NPBWR1: variants seen among roughly 807,000 people sequenced by gnomAD.
NPBWR1 encodes the protein neuropeptides B and W receptor 1.
A neutral mutation model predicts 2.8 loss-of-function variants in NPBWR1; 4 were observed. That is an observed-to-expected ratio of 1.44 (90% CI 0.71 to 3.29). NPBWR1 has a LOEUF of 3.29. Among genes scored for constraint, NPBWR1 ranks in the 30% most tolerant of loss-of-function variants. NPBWR1 has a pLI of 0.01. For missense variants in NPBWR1, 545 were observed against 462.5 expected, an observed-to-expected ratio of 1.18 and a Z score of -1.64; for synonymous variants, 250 against 224.5, an observed-to-expected ratio of 1.11 and a Z score of -1.02.
rs759074574 is a variant in NPBWR1 at position 52,939,833 on chromosome 8, G to C, written c.-75G>C. 127 of 1,421,208 alleles carry C rather than the reference G, an allele frequency of 8.9e-5. No individual in the cohort carries two copies. The highest frequency in any genetic ancestry group is 1.1e-4 in the Non-Finnish European group (124 of 1,085,106). 88.0% of individuals were successfully genotyped at this position (1,421,208 alleles called of 1,614,324 possible). A position where few individuals can be genotyped will look rare whatever the true frequency, so the allele number is the denominator to read the frequency against. On this transcript the variant is annotated 5_prime_UTR_variant, in exon 2 of 2. Transcript: ENST00000674939. ...TCCGCGAGCAGGTCCGTGCAGAACC[G>C]GGCTTCAGGACCGCTGAGCTCCGTA...
In NPBWR1 at chr8:52,940,069, C is replaced by T. The variant is rs751359569; in HGVS notation, c.162C>T (p.Gly54=). Residue 54 remains glycine (G), a synonymous_variant, in exon 2 of 2, where the codon GGC becomes GGT. Coordinates refer to ENST00000674939, the MANE Select transcript of NPBWR1 (RefSeq NM_005285.5). ...YAVICAVGLA[G]NSAVLYVLLR... ...TGATCTGCGCCGTGGGTCTGGCGGG[C>T]AACTCCGCCGTGCTGTACGTGTTGC... The T allele has an allele frequency of 1.2e-6, 2 of 1,610,136 alleles. No individual in the cohort carries two copies. Among genetic ancestry groups the T allele is most frequent in the Non-Finnish European group, 1.7e-6 (2 of 1,179,934 alleles).
rs912194435 is a variant in NPBWR1 at position 52,943,377 on chromosome 8, T to A, written c.*2483T>A. On this transcript the variant is annotated 3_prime_UTR_variant, in exon 2 of 2. Transcript: ENST00000674939. ...GATCACTGGATAAACTGTTGTATCA[T>A]TATTTCTAGGTCGTTGCCCTTCATA... Among the ~76,000 whole-genome samples the A allele has an allele frequency of 6.6e-6, 1 of 152,224 alleles. No homozygotes were observed. Among genetic ancestry groups the A allele is most frequent in the Non-Finnish European group, 1.5e-5 (1 of 68,042 alleles).
In NPBWR1 at chr8:52,940,666, G is replaced by T. The variant is rs1563548485; in HGVS notation, c.759G>T (p.Val253=). 6.2e-7 allele frequency: 1 copy of T among 1,612,130 alleles called. No homozygotes were observed. The highest frequency in any genetic ancestry group is 2.2e-5 in the East Asian group (1 of 44,848). ...CCAAGAAGCGGGTGACCTTCCTGGT[G>T]GTGGCAATCCTGGCGGTGTGCCTCC... The part of the protein sequence containing the change: ...ERAKKRVTFL[V]VAILAVCLLC... Residue 253 remains valine (V), a synonymous_variant, in exon 2 of 2, where the codon GTG becomes GTT. Transcript: ENST00000674939.
At position 52,940,436 on chromosome 8, in the gene NPBWR1, G is replaced by T. The variant is rs147171381; in HGVS notation, c.529G>T (p.Ala177Ser). 6.3e-7 allele frequency: 1 copy of T among 1,595,880 alleles called. No homozygotes were observed. The highest frequency in any genetic ancestry group is 8.5e-7 in the Non-Finnish European group (1 of 1,176,462). The change falls in exon 2 of 2, where the codon GCC (alanine) becomes TCC (serine). Residue 177 changes from alanine to serine, a missense_variant. Coordinates refer to ENST00000674939, the MANE Select transcript of NPBWR1 (RefSeq NM_005285.5). The stretch of plus-strand genomic sequence containing the variant: ...CGTCGTGCTGCCCTTCGCAGTCTTC[G>T]CCCGGCTAGACGACGAGCAGGGCCG... ...TLVVLPFAVFARLDDEQGRRQ... is the reference protein window; with the variant it reads ...TLVVLPFAVFSRLDDEQGRRQ...
Position 52,940,552 on chromosome 8 carries a change from C to A in NPBWR1, c.645C>A (p.Pro215=). 1 of 1,597,780 alleles carries A rather than the reference C, an allele frequency of 6.3e-7. No individual in the cohort carries two copies. Among genetic ancestry groups the A allele is most frequent in the Non-Finnish European group, 8.5e-7 (1 of 1,174,690 alleles). ...CGCTCGTGCTGGGCTTCGCCATCCC[C>A]GTGTCCACCATCTGTGTCCTCTATA... ...LYTLVLGFAI[P]VSTICVLYTT... The change falls in exon 2 of 2, where the codon CCC becomes CCA. Residue 215 remains proline, a synonymous_variant. Transcript: ENST00000674939.
Position 52,940,286 on chromosome 8 carries a change from C to G in NPBWR1, c.379C>G (p.Leu127Val). Residue 127 changes from leucine (L) to valine (V), a missense_variant, in exon 2 of 2, where the codon CTC (leucine) becomes GTC (valine). By Grantham distance (32) the Leu-to-Val change is conservative. Coordinates refer to ENST00000674939, the MANE Select transcript of NPBWR1 (RefSeq NM_005285.5). ...QYNTFSSLYF[L>V]TVMSADRYLV... ...CAACACCTTCTCCAGCCTCTACTTC[C>G]TCACCGTCATGAGCGCCGACCGCTA... is the stretch of plus-strand genomic sequence containing the variant. 1.2e-6 allele frequency: 2 copies of G among 1,613,358 alleles called. No homozygotes were observed. Among genetic ancestry groups the G allele is most frequent in the Non-Finnish European group, 1.7e-6 (2 of 1,179,984 alleles).
rs780197878 is a variant in NPBWR1 at position 52,940,103 on chromosome 8, C to T, written c.196C>T (p.Pro66Ser). 9.9e-6 allele frequency: 16 copies of T among 1,612,376 alleles called. No individual in the cohort carries two copies. In the Admixed American group the frequency reaches 2.7e-4, roughly 27 times the overall value. Reference protein sequence around the residue: ...SAVLYVLLRAPRMKTVTNLFI... With the variant: ...SAVLYVLLRASRMKTVTNLFI... ...CGTGCTGTACGTGTTGCTGCGGGCGCCCCGCATGAAGACCGTCACCAACCT... is the reference window on the plus strand; with the variant it reads ...CGTGCTGTACGTGTTGCTGCGGGCGTCCCGCATGAAGACCGTCACCAACCT... Residue 66 changes from proline (P) to serine (S), a missense_variant, in exon 2 of 2, where the codon CCC becomes TCC. Pro to Ser is a moderately conservative substitution (Grantham distance 74). Transcript: ENST00000674939.
Position 52,941,357 on chromosome 8 carries a change from A to T in NPBWR1, c.*463A>T, listed in dbSNP as rs2128778248. On this transcript the variant is annotated 3_prime_UTR_variant, in exon 2 of 2. Coordinates refer to ENST00000674939, the MANE Select transcript of NPBWR1 (RefSeq NM_005285.5). The stretch of plus-strand genomic sequence containing the variant: ...GCGCGGCCCCTGCTGTAGCTGGCGC[A>T]CAGCCCCGGCGGGTCCCCTTGTCCT... Among the ~76,000 whole-genome samples, 1 of 152,198 alleles carries T rather than the reference A, an allele frequency of 6.6e-6. No homozygotes were observed. The highest frequency in any genetic ancestry group is 2.4e-5 in the African/African-American group (1 of 41,554).
At position 52,940,399 on chromosome 8, in the gene NPBWR1, G is replaced by T. The variant is rs1323229411; in HGVS notation, c.492G>T (p.Gly164=). The change falls in exon 2 of 2, where the codon GGG becomes GGT. Residue 164 remains glycine (G), a synonymous_variant. Coordinates refer to ENST00000674939, the MANE Select transcript of NPBWR1 (RefSeq NM_005285.5). ...GCGCGGTGAGCCTGGCCGTGTGGGG[G>T]ATCGTCACACTCGTCGTGCTGCCCT... ...AARAVSLAVW[G]IVTLVVLPFA... is the part of the protein sequence containing the mutation. 1.9e-6 allele frequency: 3 copies of T among 1,602,262 alleles called. No individual in the cohort carries two copies. The Admixed American group carries it at 5.0e-5, about 27-fold the overall frequency.
In NPBWR1 at chr8:52,940,106, C is replaced by T; in HGVS notation, c.199C>T (p.Arg67Cys). The change falls in exon 2 of 2, where the codon CGC becomes TGC. Residue 67 changes from arginine to cysteine, a missense_variant. Arg to Cys is a radical substitution (Grantham distance 180, BLOSUM62 -3). Coordinates refer to ENST00000674939, the MANE Select transcript of NPBWR1 (RefSeq NM_005285.5). ...GCTGTACGTGTTGCTGCGGGCGCCC[C>T]GCATGAAGACCGTCACCAACCTGTT... The part of the protein sequence containing the change: ...AVLYVLLRAP[R>C]MKTVTNLFIL... 3.7e-6 allele frequency: 6 copies of T among 1,612,538 alleles called. No individual in the cohort carries two copies. The highest frequency in any genetic ancestry group is 5.1e-6 in the Non-Finnish European group (6 of 1,179,982).
Position 52,942,637 on chromosome 8 carries a change from A to T in NPBWR1, c.*1743A>T, listed in dbSNP as rs1321098460. Among the ~76,000 whole-genome samples, 1 of 151,296 alleles carries T rather than the reference A, an allele frequency of 6.6e-6. No individual in the cohort carries two copies. The highest frequency in any genetic ancestry group is 1.9e-4 in the East Asian group (1 of 5,174). On this transcript the variant is annotated 3_prime_UTR_variant, in exon 2 of 2. Coordinates refer to ENST00000674939, the MANE Select transcript of NPBWR1 (RefSeq NM_005285.5). ...TTTAATAAATATTTGGAAGGAAAAA[A>T]CTCCCCCTTGGAATGGGGGGAAGCA... is the stretch of plus-strand genomic sequence containing the variant.
At chr8:52,939,627 C>T (rs1860151518) in intron 1 of NPBWR1, 84 bp from the exon 2 acceptor site, 1 of 410,230 alleles carries the variant, frequency 2.4e-6, no homozygotes, top group Non-Finnish European at 4.3e-6. Context: ...GCCGCGGCGC[C>T]ACCCCCACCC....
intron 1 of NPBWR1, 30 bp from the exon 2 acceptor site, chr8:52,939,681 C>T: frequency 4.1e-6 from 2 of 491,954 alleles, no homozygotes; most frequent in South Asian, 4.6e-5. Context: ...CGTCGACGAA[C>T]TAACCTATGC....
Position 52,940,317 on chromosome 8 carries a change from T to G in NPBWR1, c.410T>G (p.Val137Gly), listed in dbSNP as rs1299306007. 3 of 1,612,232 alleles carry G rather than the reference T, an allele frequency of 1.9e-6. No homozygotes were observed. The highest frequency in any genetic ancestry group is 2.5e-6 in the Non-Finnish European group (3 of 1,179,916). The change falls in exon 2 of 2, where the codon GTG (valine) becomes GGG (glycine). Residue 137 changes from valine (V) to glycine (G), a missense_variant. By Grantham distance (109) the Val-to-Gly change is moderately radical. Transcript: ENST00000674939. ...GTCATGAGCGCCGACCGCTACCTGG[T>G]GGTGTTGGCCACTGCGGAGTCGCGC... is the stretch of plus-strand genomic sequence containing the variant. ...LTVMSADRYL[V>G]VLATAESRRV...
chr8:52,939,841 G>C lies in NPBWR1; in HGVS notation c.-67G>C, dbSNP rs1860155449. 6.9e-7 allele frequency: 1 copy of C among 1,442,730 alleles called. No individual in the cohort carries two copies. Among genetic ancestry groups the C allele is most frequent in the East Asian group, 2.4e-5 (1 of 40,818 alleles). 89.4% of individuals were successfully genotyped at this position (1,442,730 alleles called of 1,614,324 possible). ...CAGGTCCGTGCAGAACCGGGCTTCA[G>C]GACCGCTGAGCTCCGTAGGGCGTCC... On this transcript the variant is annotated 5_prime_UTR_variant, in exon 2 of 2. Transcript: ENST00000674939.
At position 52,940,951 on chromosome 8, in the gene NPBWR1, C is replaced by T; in HGVS notation, c.*57C>T. 6.5e-7 allele frequency: 1 copy of T among 1,535,036 alleles called. No individual in the cohort carries two copies. The highest frequency in any genetic ancestry group is 8.7e-7 in the Non-Finnish European group (1 of 1,146,500). ...CCACTCCTGGCCAGCGAGGGAGGAGCCGGCGCCAGAGTGCGGGACCAGACA... is the reference window on the plus strand; with the variant it reads ...CCACTCCTGGCCAGCGAGGGAGGAGTCGGCGCCAGAGTGCGGGACCAGACA... On this transcript the variant is annotated 3_prime_UTR_variant, in exon 2 of 2. Coordinates refer to ENST00000674939, the MANE Select transcript of NPBWR1 (RefSeq NM_005285.5).
Position 52,941,034 on chromosome 8 carries a change from G to A in NPBWR1, c.*140G>A. 2 of 1,177,022 alleles carry A rather than the reference G, an allele frequency of 1.7e-6. No individual in the cohort carries two copies. Among genetic ancestry groups the A allele is most frequent in the Non-Finnish European group, 2.3e-6 (2 of 864,904 alleles). 72.9% of individuals were successfully genotyped at this position (1,177,022 alleles called of 1,614,324 possible). ...CGCCCCATACCCGACCTAGCAGATC[G>A]GAAGCGCTGCGACTGTGCCCGCAGG... On this transcript the variant is annotated 3_prime_UTR_variant, in exon 2 of 2. Transcript: ENST00000674939.
chr8:52,940,596 T>G lies in NPBWR1; in HGVS notation c.689T>G (p.Leu230Arg), dbSNP rs1412147804. 6.2e-7 allele frequency: 1 copy of G among 1,604,064 alleles called. No homozygotes were observed. Among genetic ancestry groups the G allele is most frequent in the Admixed American group, 1.7e-5 (1 of 58,792 alleles). ...CVLYTTLLCR[L>R]HAMRLDSHAK... is the part of the protein sequence containing the mutation. ...CTCTATACCACCCTGCTGTGCCGGC[T>G]GCATGCCATGCGGCTGGACAGCCAC... The change falls in exon 2 of 2, where the codon CTG (leucine) becomes CGG (arginine). Residue 230 changes from leucine to arginine, a missense_variant. Transcript: ENST00000674939.
In NPBWR1 at chr8:52,943,373, A is replaced by G. The variant is rs985145051; in HGVS notation, c.*2479A>G. 6.6e-6 allele frequency among the ~76,000 whole-genome samples: 1 copy of G among 152,206 alleles called. No homozygotes were observed. Among genetic ancestry groups the G allele is most frequent in the Non-Finnish European group, 1.5e-5 (1 of 68,040 alleles). The stretch of plus-strand genomic sequence containing the variant: ...TTCTGATCACTGGATAAACTGTTGT[A>G]TCATTATTTCTAGGTCGTTGCCCTT... On this transcript the variant is annotated 3_prime_UTR_variant, in exon 2 of 2. Coordinates refer to ENST00000674939, the MANE Select transcript of NPBWR1 (RefSeq NM_005285.5).
Sources: allele counts gnomAD v4.1 joint callset (sites outside exome capture counted in the v4.1 genomes callset), GRCh38; gene constraint gnomAD v4.1.1; transcripts MANE v1.5; gene names NCBI Gene and HGNC (gene_info 2026-07-23, HGNC 2026-07-21).